The following GLYATL2 variants were observed in gnomAD, a reference collection of about 807,000 sequenced individuals.
GLYATL2 encodes glycine-N-acyltransferase like 2, also known as glycine N-acyltransferase-like protein 2.
In GLYATL2, 25 loss-of-function variants were observed where a neutral mutation model predicts 21.4. The ratio of observed to expected loss-of-function variants is 1.17; its 90% CI spans 0.85 to 1.63. The LOEUF (loss-of-function observed/expected upper bound fraction) is 1.63, where lower values mean the gene tolerates loss of function less well. GLYATL2 is among the 40% of genes most tolerant of loss of function. GLYATL2 has a pLI of 0.00. For synonymous variants in GLYATL2, 114 were observed against 118.2 expected (o/e 0.96, Z 0.23); for missense variants, 361 against 343.3 (o/e 1.05, Z -0.41).
chr11:58,866,439 C>T (rs1854024457), intron 1 of GLYATL2, among the ~76,000 whole-genome samples: 1 of 148,752 alleles, frequency 6.7e-6, no homozygotes, highest in African/African-American at 2.4e-5. Context: ...ACTGGATGAA[C>T]AACCCCTCCC....
At chr11:58,897,349 C>T (rs770662707) in intron 1 of GLYATL2, among the ~76,000 whole-genome samples, 31 of 152,164 alleles carry the variant, frequency 2.0e-4, no homozygotes, top group Non-Finnish European at 3.8e-4. Context: ...AGAAGGGTAA[C>T]CTGCATGCCC....
chr11:58,891,141 C>T (rs1854536577), intron 1 of GLYATL2, among the ~76,000 whole-genome samples: 1 of 152,124 alleles, frequency 6.6e-6, no homozygotes. Flanking sequence ...TAAAAGCACC[C>T]TCAAATTCTT....
At chr11:58,896,047 G>A (rs965364198) in intron 1 of GLYATL2, among the ~76,000 whole-genome samples, 1 of 152,106 alleles carries the variant, frequency 6.6e-6, no homozygotes. Context: ...TAGTAGGATG[G>A]GGTTTCACCA....
At chr11:58,886,296 C>T (rs757830657) in intron 1 of GLYATL2, among the ~76,000 whole-genome samples, 6 of 152,162 alleles carry the variant, frequency 3.9e-5, no homozygotes, top group African/African-American at 7.2e-5. Flanking sequence ...TATGGAAGCA[C>T]GTCTTTTGTT....
In GLYATL2 at chr11:58,838,259, A is replaced by T; in HGVS notation, c.186+2T>A. On this transcript the variant is annotated splice_donor_variant, in intron 3 of 5. Transcript: ENST00000287275. LOFTEE classifies it high-confidence loss of function. ...CTCATATTCAGTAACTATTGCTCCT[A>T]CCTGTTTCTGAGGCCGGGTAATGAC... 3.8e-6 allele frequency: 6 copies of T among 1,594,766 alleles called. No individual in the cohort carries two copies. Among genetic ancestry groups the T allele is most frequent in the Non-Finnish European group, 5.2e-6 (6 of 1,162,790 alleles).
At chr11:58,876,279 C>T (rs1453305675) in intron 1 of GLYATL2, among the ~76,000 whole-genome samples, 1 of 152,172 alleles carries the variant, frequency 6.6e-6, no homozygotes, top group African/African-American at 2.4e-5. Context: ...TGAAGCCTTC[C>T]TCTCTCAACT....
intron 1 of GLYATL2, among the ~76,000 whole-genome samples, chr11:58,899,411 TA>T (rs1251552249): frequency 6.6e-6 from 1 of 151,494 alleles, no homozygotes; most frequent in African/African-American, 2.4e-5. Flanking sequence ...AACCAAAAAT[TA>T]AAAAAACAAA....
intron 1 of GLYATL2, among the ~76,000 whole-genome samples, chr11:58,858,688 A>G (rs1853876637): frequency 6.6e-6 from 1 of 152,204 alleles, no homozygotes; most frequent in South Asian, 2.1e-4. Flanking sequence ...TACCTGATTT[A>G]TATTATGCCA....
intron 1 of GLYATL2, among the ~76,000 whole-genome samples, chr11:58,868,017 C>T (rs1043528012): frequency 6.7e-6 from 1 of 148,600 alleles, no homozygotes. Flanking sequence ...GGAGTCTCCT[C>T]GGGAACTGAA....
chr11:58,872,091 T>A (rs550989388), intron 1 of GLYATL2, among the ~76,000 whole-genome samples: 1 of 152,208 alleles, frequency 6.6e-6, no homozygotes, highest in African/African-American at 2.4e-5. Flanking sequence ...CTTTTGAGAA[T>A]TGTCTGTTCA....
At chr11:58,897,146 T>C (rs1479350378) in intron 1 of GLYATL2, among the ~76,000 whole-genome samples, 1 of 152,240 alleles carries the variant, frequency 6.6e-6, no homozygotes, top group Non-Finnish European at 1.5e-5. Flanking sequence ...TGGACAGCAC[T>C]AAAATTCCAC....
In GLYATL2 at chr11:58,882,613, T is replaced by C. The variant is rs151296245; in HGVS notation, n.60+21543A>G. Among the ~76,000 whole-genome samples the C allele has an allele frequency of 5.1e-3, 771 of 152,332 alleles. 5 individuals are homozygous for C. The highest frequency in any genetic ancestry group is 0.018 in the African/African-American group (734 of 41,566). ...AGATCCCATTTGTCTATTCTGGCTT[T>C]TGTTGCCATTGCTTTTGGGGTTTTA... On this transcript the variant is annotated intron_variant and non_coding_transcript_variant, in intron 1 of 4. Coordinates refer to the GLYATL2 transcript ENST00000533636.
intron 1 of GLYATL2, among the ~76,000 whole-genome samples, chr11:58,843,481 A>G (rs1853589102): frequency 6.6e-6 from 1 of 152,200 alleles, no homozygotes; most frequent in African/African-American, 2.4e-5. Context: ...TGAGAGTAGA[A>G]GCAGAGAAGA....
Position 58,877,681 on chromosome 11 carries a change from A to G in GLYATL2, n.60+26475T>C, listed in dbSNP as rs117871931. Among the ~76,000 whole-genome samples the G allele has an allele frequency of 8.1e-4, 123 of 152,370 alleles. 3 individuals are homozygous for G. The East Asian group carries it at 0.023, about 28-fold the overall frequency. On this transcript the variant is annotated intron_variant and non_coding_transcript_variant, in intron 1 of 4. Coordinates refer to the GLYATL2 transcript ENST00000533636. ...TTAAGATGAGAAGCAATAATTGATC[A>G]TGTGATTTAATAACATAGAGATCAC... is the stretch of plus-strand genomic sequence containing the variant.
intron 1 of GLYATL2, among the ~76,000 whole-genome samples, chr11:58,842,513 TGTGTGTGC>T (rs1448515532): frequency 2.7e-5 from 4 of 149,328 alleles, no homozygotes; most frequent in African/African-American, 1.0e-4. Context: ...TGTGTGTGTG[TGTGTGTGC>T]GCCCTGTGAT....
At chr11:58,862,729 T>A (rs1377947908) in intron 1 of GLYATL2, among the ~76,000 whole-genome samples, 2 of 152,342 alleles carry the variant, frequency 1.3e-5, no homozygotes, top group East Asian at 1.9e-4. Context: ...CTATCTGTGT[T>A]CTCTTGAAGC....
At chr11:58,892,821 C>T in intron 1 of GLYATL2, 1 of 320,276 alleles carries the variant, frequency 3.1e-6, no homozygotes, top group Admixed American at 3.7e-5. Flanking sequence ...ATAGGCCACC[C>T]AGATGATGAA....
At chr11:58,856,106 C>T (rs1853823531) in intron 1 of GLYATL2, among the ~76,000 whole-genome samples, 1 of 152,006 alleles carries the variant, frequency 6.6e-6, no homozygotes, top group Non-Finnish European at 1.5e-5. Flanking sequence ...TGCATTCCAG[C>T]CTGAGCAACA....
chr11:58,858,779 C>G (rs1394517766), intron 1 of GLYATL2, among the ~76,000 whole-genome samples: 2 of 152,198 alleles, frequency 1.3e-5, no homozygotes, highest in Non-Finnish European at 2.9e-5. Flanking sequence ...CCTGATTCCT[C>G]AGGAATACCT....
Sources: allele counts gnomAD v4.1 joint callset (sites outside exome capture counted in the v4.1 genomes callset), GRCh38; gene constraint gnomAD v4.1.1; transcripts MANE v1.5; gene names NCBI Gene and HGNC (gene_info 2026-07-23, HGNC 2026-07-21).